Variants in CAMKMT observed in about 807,000 individuals in gnomAD.
CAMKMT encodes calmodulin-lysine N-methyltransferase.
In CAMKMT, 53 loss-of-function variants were observed where a neutral mutation model predicts 48.0. The ratio of observed to expected loss-of-function variants is 1.10; its 90% CI spans 0.89 to 1.39. CAMKMT has a LOEUF of 1.39. CAMKMT is among the 40% of genes most tolerant of loss of function. CAMKMT has a pLI of 0.00. For synonymous variants in CAMKMT, 165 were observed against 152.3 expected (o/e 1.08, Z -0.61); for missense variants, 428 against 402.7 (o/e 1.06, Z -0.54).
rs373543447 is a variant in CAMKMT, at chr2:44,704,335, T to C, written c.429T>C (p.Asn143=). ...CTTACTACTGCCTCAAGCACAATAA[T>C]ATATTCAGGTACAGAGCTGCACTTA... is the stretch of plus-strand genomic sequence containing the variant. ...VLAYYCLKHN[N]IFRALAVCEL... is the part of the protein sequence containing the mutation. Residue 143 remains asparagine, a synonymous_variant, in exon 4 of 11, where the codon AAT becomes AAC. Coordinates refer to ENST00000378494, the MANE Select transcript of CAMKMT (RefSeq NM_024766.5). 1 of 1,607,990 alleles carries C rather than the reference T, an allele frequency of 6.2e-7. No homozygotes were observed.
intron 3 of CAMKMT, among the ~76,000 whole-genome samples, chr2:44,622,427 A>C (rs1433666118): frequency 6.6e-6 from 1 of 152,174 alleles, no homozygotes; most frequent in Non-Finnish European, 1.5e-5. Context: ...TTTGAAGTAC[A>C]CTTGAACCCA....
At chr2:44,372,627 C>T (rs986674956) in intron 1 of CAMKMT, 89 bp from the exon 2 acceptor site, 27 of 1,118,234 alleles carry the variant, frequency 2.4e-5, no homozygotes, top group Admixed American at 7.3e-5. Context: ...AGGGAAAGTC[C>T]CCTTACCACT....
Position 44,707,383 on chromosome 2 carries a change from C to G in CAMKMT, c.493-16C>G, listed in dbSNP as rs1427678180. The G allele has an allele frequency of 1.2e-6, 2 of 1,610,570 alleles. No individual in the cohort carries two copies. The highest frequency in any genetic ancestry group is 1.7e-6 in the Non-Finnish European group (2 of 1,178,126). On this transcript the variant is annotated splice_polypyrimidine_tract_variant and intron_variant, in intron 5 of 10. Transcript: ENST00000378494. Reference sequence around the variant, plus strand: ...ATATTTGCTCATTGTTTGCTGTGCTCCCTTTTTTTTTTCAGGTTGCTATTT... The same window carrying G: ...ATATTTGCTCATTGTTTGCTGTGCTGCCTTTTTTTTTTCAGGTTGCTATTT...
At chr2:44,534,404 A>G (rs1372789967) in intron 3 of CAMKMT, among the ~76,000 whole-genome samples, 1 of 152,182 alleles carries the variant, frequency 6.6e-6, no homozygotes, top group African/African-American at 2.4e-5. Flanking sequence ...ACATTTATAC[A>G]ACATTTTACC....
intron 3 of CAMKMT, among the ~76,000 whole-genome samples, chr2:44,613,483 G>C (rs1364230332): frequency 1.3e-5 from 2 of 152,160 alleles, no homozygotes; most frequent in African/African-American, 2.4e-5. Flanking sequence ...ACTGTATGCT[G>C]TGCCAGTTGT....
chr2:44,501,584 C>T (rs1670009010), intron 3 of CAMKMT, among the ~76,000 whole-genome samples: 1 of 152,104 alleles, frequency 6.6e-6, no homozygotes, highest in Admixed American at 6.6e-5. Context: ...CTCATGTATA[C>T]CTGTTAAATG....
At chr2:44,453,848 A>G (rs1290889872) in intron 3 of CAMKMT, among the ~76,000 whole-genome samples, 2 of 152,164 alleles carry the variant, frequency 1.3e-5, no homozygotes, top group East Asian at 1.9e-4. Context: ...TAAAACGACT[A>G]TAAGATTAAG....
rs115299129 is a variant in CAMKMT at position 44,759,964 on chromosome 2, T to C, written c.762+5846T>C. Among the ~76,000 whole-genome samples the C allele has an allele frequency of 1.1e-3, 164 of 152,354 alleles. 1 individual carries two copies. Among genetic ancestry groups the C allele is most frequent in the African/African-American group, 3.7e-3 (154 of 41,586 alleles). ...AATCTTTCGAATTTACGCCTTAGTA[T>C]TGGACTCTGTCCTGATTCAACAAAC... is the stretch of plus-strand genomic sequence containing the variant. On this transcript the variant is annotated intron_variant, in intron 9 of 10. Transcript: ENST00000378494.
chr2:44,519,880 T>C (rs528005260), intron 3 of CAMKMT, among the ~76,000 whole-genome samples: 3 of 152,146 alleles, frequency 2.0e-5, no homozygotes, highest in Non-Finnish European at 4.4e-5. Flanking sequence ...TAGCTGGGAC[T>C]ACAGGTGCAC....
intron 3 of CAMKMT, among the ~76,000 whole-genome samples, chr2:44,553,512 C>T (rs962890843): frequency 2.0e-5 from 3 of 152,098 alleles, no homozygotes; most frequent in African/African-American, 7.2e-5. Context: ...AGGCATGGGC[C>T]ACCACACCCC....
intron 2 of CAMKMT, among the ~76,000 whole-genome samples, chr2:44,385,412 T>A (rs190761956): frequency 1.3e-5 from 2 of 152,294 alleles, no homozygotes; most frequent in East Asian, 3.9e-4. Context: ...AGGTAAACAA[T>A]CATATCATCA....
intron 3 of CAMKMT, among the ~76,000 whole-genome samples, chr2:44,592,956 A>T (rs149936185): frequency 6.6e-6 from 1 of 152,300 alleles, no homozygotes; most frequent in Admixed American, 6.5e-5. Context: ...CAAGCCTTCT[A>T]TGTCCTTACT....
intron 9 of CAMKMT, 108 bp from the exon 10 acceptor site, chr2:44,766,322 T>A: frequency 8.3e-7 from 1 of 1,197,914 alleles, no homozygotes; most frequent in Non-Finnish European, 1.2e-6. Context: ...TCAAGAACAA[T>A]TGAGTTTTTC....
At chr2:44,427,056 TG>T (rs1165335376) in intron 3 of CAMKMT, among the ~76,000 whole-genome samples, 1 of 152,036 alleles carries the variant, frequency 6.6e-6, no homozygotes, top group African/African-American at 2.4e-5. Context: ...ATGTCAACAA[TG>T]GGGGAAGGAT....
At chr2:44,428,777 C>T (rs1000920652) in intron 3 of CAMKMT, among the ~76,000 whole-genome samples, 29 of 152,148 alleles carry the variant, frequency 1.9e-4, no homozygotes, top group African/African-American at 6.5e-4. Flanking sequence ...ACCATAATAA[C>T]TCAAATTCCA....
At chr2:44,730,401 G>A (rs1268231789) in intron 7 of CAMKMT, among the ~76,000 whole-genome samples, 2 of 152,176 alleles carry the variant, frequency 1.3e-5, no homozygotes. Flanking sequence ...TGTTTCATTT[G>A]AATGTCTTGT....
At chr2:44,392,004 G>A (rs1681389702) in intron 3 of CAMKMT, 1 of 152,500 alleles carries the variant, frequency 6.6e-6, no homozygotes, top group Non-Finnish European at 1.5e-5. Context: ...AGGGCTGGCT[G>A]TGTTATAAAG....
chr2:44,409,792 G>A (rs1172711222), intron 3 of CAMKMT, among the ~76,000 whole-genome samples: 1 of 152,040 alleles, frequency 6.6e-6, no homozygotes, highest in Non-Finnish European at 1.5e-5. Context: ...TTGTCAAAAT[G>A]CAGAGAAGCA....
At chr2:44,756,851 C>T (rs1320691516) in intron 9 of CAMKMT, among the ~76,000 whole-genome samples, 1 of 152,136 alleles carries the variant, frequency 6.6e-6, no homozygotes, top group Non-Finnish European at 1.5e-5. Flanking sequence ...GCAAGTTCTC[C>T]GTGCACTTCC....
Sources: allele counts gnomAD v4.1 joint callset (sites outside exome capture counted in the v4.1 genomes callset), GRCh38; gene constraint gnomAD v4.1.1; transcripts MANE v1.5; gene names NCBI Gene and HGNC (gene_info 2026-07-23, HGNC 2026-07-21).